The following MCUB variants were observed in gnomAD, a reference collection of about 807,000 sequenced individuals.
The protein encoded by MCUB is mitochondrial calcium uniporter dominant negative subunit beta, also known as calcium uniporter regulatory subunit MCUb, mitochondrial.
In MCUB, 46 loss-of-function variants were observed where a neutral mutation model predicts 41.4. The observed-to-expected ratio is 1.11, with a 90% CI of 0.88 to 1.42. MCUB has a LOEUF of 1.42. Ranked by LOEUF, MCUB falls within the 40% of genes most tolerant of loss-of-function variation. MCUB has a pLI of 0.00. For missense variants in MCUB, 403 were observed against 404.9 expected, an observed-to-expected ratio of 1.00 and a Z score of 0.04; for synonymous variants, 148 against 148.2, an observed-to-expected ratio of 1.00 and a Z score of 0.01.
intron 1 of MCUB, among the ~76,000 whole-genome samples, chr4:109,639,113 C>G (rs1728662474): frequency 6.6e-6 from 1 of 152,106 alleles, no homozygotes; most frequent in African/African-American, 2.4e-5. Flanking sequence ...TGAACCCTTT[C>G]TAGAAAGGTC....
intron 1 of MCUB, among the ~76,000 whole-genome samples, chr4:109,574,777 G>A (rs897692840): frequency 2.0e-5 from 3 of 152,178 alleles, no homozygotes; most frequent in African/African-American, 4.8e-5. Context: ...GCCAAGGAGG[G>A]ATGGGAGACA....
rs6825095 is a variant in MCUB at position 109,652,587 on chromosome 4, C to T, written c.100-6424C>T. 1.1e-3 allele frequency among the ~76,000 whole-genome samples: 162 copies of T among 152,062 alleles called. 1 individual carries two copies. The highest frequency in any genetic ancestry group is 5.7e-4 in the Non-Finnish European group (39 of 67,990). ...TGGCAGAAGGTGAAAGGGCAAGAGGCGGAGAGAGAAAGCTCAATCAAACCC... is the reference window on the plus strand; with the variant it reads ...TGGCAGAAGGTGAAAGGGCAAGAGGTGGAGAGAGAAAGCTCAATCAAACCC... On this transcript the variant is annotated intron_variant, in intron 1 of 7. Coordinates refer to ENST00000394650, the MANE Select transcript of MCUB (RefSeq NM_017918.5).
intron 4 of MCUB, among the ~76,000 whole-genome samples, chr4:109,669,290 G>A (rs1409615073): frequency 1.3e-5 from 2 of 152,070 alleles, no homozygotes; most frequent in Middle Eastern, 3.4e-3. Flanking sequence ...ATTTCACAGG[G>A]TACCAAATTT....
chr4:109,570,277 C>T (rs1219544329), intron 1 of MCUB, among the ~76,000 whole-genome samples: 1 of 152,158 alleles, frequency 6.6e-6, no homozygotes, highest in East Asian at 1.9e-4. Context: ...ACATTGTAAT[C>T]TCGAAGATCA....
intron 1 of MCUB, among the ~76,000 whole-genome samples, chr4:109,595,684 G>A (rs1236705866): frequency 1.3e-5 from 2 of 152,300 alleles, no homozygotes; most frequent in Non-Finnish European, 2.9e-5. Flanking sequence ...CATCATCACA[G>A]AAGTTCCATA....
At chr4:109,649,903 A>T (rs1195191758) in intron 1 of MCUB, among the ~76,000 whole-genome samples, 1 of 151,976 alleles carries the variant, frequency 6.6e-6, no homozygotes, top group Non-Finnish European at 1.5e-5. Context: ...AAATCTAAGG[A>T]CTCATCCTGA....
chr4:109,670,850 G>GAT (rs922449371), intron 4 of MCUB, among the ~76,000 whole-genome samples: 1 of 152,068 alleles, frequency 6.6e-6, no homozygotes, highest in Admixed American at 6.5e-5. Context: ...AGAGCTCCTA[G>GAT]AAGTGAAACT....
intron 1 of MCUB, among the ~76,000 whole-genome samples, chr4:109,618,776 C>A (rs1728182772): frequency 6.6e-6 from 1 of 152,104 alleles, no homozygotes; most frequent in Non-Finnish European, 1.5e-5. Flanking sequence ...GTTACATAGT[C>A]TAAAATGTGC....
chr4:109,678,513 G>T lies in MCUB; in HGVS notation c.452-4069G>T, dbSNP rs558867285. Among the ~76,000 whole-genome samples, 10 of 144,512 alleles carry T rather than the reference G, an allele frequency of 6.9e-5. No individual in the cohort carries two copies. The East Asian group carries it at 1.9e-3, about 27-fold the overall frequency. The allele number at this position is 144,512 out of a possible 152,430, so 94.8% of individuals were successfully genotyped here. A position where few individuals can be genotyped will look rare whatever the true frequency, so the allele number is the denominator to read the frequency against. ...GAGGCGCTCCCCATTTCCCAGATGG[G>T]GCGGTGGCCGGGCAGAGGCGCTCCT... On this transcript the variant is annotated intron_variant, in intron 4 of 7. Coordinates refer to ENST00000394650, the MANE Select transcript of MCUB (RefSeq NM_017918.5).
At chr4:109,654,180 G>A (rs1215510117) in intron 1 of MCUB, among the ~76,000 whole-genome samples, 1 of 151,862 alleles carries the variant, frequency 6.6e-6, no homozygotes, top group Non-Finnish European at 1.5e-5. Context: ...ATTCTAAGTA[G>A]GAATTTATCC....
chr4:109,574,702 A>G (rs17040543), intron 1 of MCUB, among the ~76,000 whole-genome samples: 39,563 of 152,108 alleles, frequency 0.26, 7,449 homozygotes, highest in African/African-American at 0.54. Context: ...GAGGAATGAG[A>G]CAGCAGCTGT....
chr4:109,598,397 G>C (rs540863707), intron 1 of MCUB, among the ~76,000 whole-genome samples: 31 of 152,288 alleles, frequency 2.0e-4, no homozygotes, highest in Non-Finnish European at 4.0e-4. Flanking sequence ...GCTGAAGACC[G>C]GCCAGGCCAA....
chr4:109,639,558 G>A (rs1351589749), intron 1 of MCUB, among the ~76,000 whole-genome samples: 1 of 152,098 alleles, frequency 6.6e-6, no homozygotes, highest in Non-Finnish European at 1.5e-5. Context: ...CATGATGGCA[G>A]GTGCCTGTAA....
chr4:109,605,782 A>G (rs1727855431), intron 1 of MCUB, among the ~76,000 whole-genome samples: 1 of 152,150 alleles, frequency 6.6e-6, no homozygotes, highest in African/African-American at 2.4e-5. Context: ...TTCTAGGGTA[A>G]TGACCTTCTT....
chr4:109,600,392 C>T (rs1357373807), intron 1 of MCUB, among the ~76,000 whole-genome samples: 1 of 152,202 alleles, frequency 6.6e-6, no homozygotes, highest in Admixed American at 6.5e-5. Context: ...CCTTCTCTTA[C>T]TAGTCCTTAA....
At chr4:109,562,560 G>C (rs1471706700) in intron 1 of MCUB, among the ~76,000 whole-genome samples, 1 of 152,096 alleles carries the variant, frequency 6.6e-6, no homozygotes, top group African/African-American at 2.4e-5. Context: ...TTTCCCACTT[G>C]TTATGAAATA....
chr4:109,570,280 G>A lies in MCUB; in HGVS notation c.99+9844G>A, dbSNP rs558049371. 7.9e-5 allele frequency among the ~76,000 whole-genome samples: 12 copies of A among 152,216 alleles called. 1 individual carries two copies. The South Asian group carries it at 1.2e-3, about 16-fold the overall frequency. ...CTCTTTCTCTGTACATTGTAATCTCGAAGATCAGGTGCTGTATCTTTTATA... is the reference window on the plus strand; with the variant it reads ...CTCTTTCTCTGTACATTGTAATCTCAAAGATCAGGTGCTGTATCTTTTATA... On this transcript the variant is annotated intron_variant, in intron 1 of 7. Coordinates refer to ENST00000394650, the MANE Select transcript of MCUB (RefSeq NM_017918.5).
chr4:109,662,338 G>T (rs1235948513), intron 3 of MCUB, among the ~76,000 whole-genome samples: 1 of 152,202 alleles, frequency 6.6e-6, no homozygotes, highest in Admixed American at 6.5e-5. Flanking sequence ...AAGCTTCTAG[G>T]GGCAGGCAGA....
chr4:109,654,117 G>GT (rs11322898), intron 1 of MCUB, among the ~76,000 whole-genome samples: 10 of 150,904 alleles, frequency 6.6e-5, no homozygotes, highest in East Asian at 2.0e-4. Context: ...TAAATGTGTT[G>GT]TTTTTTTTTT....
Sources: gnomAD v4.1 joint callset for allele counts (sites outside exome capture counted in the v4.1 genomes callset) on GRCh38, gnomAD v4.1.1 for gene constraint, MANE v1.5 for transcripts, NCBI Gene and HGNC (gene_info 2026-07-23, HGNC 2026-07-21) for gene names.